Variants in PTN observed in about 807,000 individuals in gnomAD.
PTN encodes pleiotrophin.
Under a neutral mutation model 24.1 loss-of-function variants are expected in PTN, and 18 were observed. The ratio of observed to expected loss-of-function variants is 0.75; its 90% CI spans 0.52 to 1.11. The LOEUF is 1.11. Among genes scored for constraint, PTN ranks in the 50% least tolerant of loss-of-function variants. The pLI is 0.00. For missense variants in PTN, 163 were observed against 198.8 expected, an observed-to-expected ratio of 0.82 and a Z score of 1.08; for synonymous variants, 78 against 68.6, an observed-to-expected ratio of 1.14 and a Z score of -0.67.
intron 1 of PTN, among the ~76,000 whole-genome samples, chr7:137,281,601 T>C (rs943114892): frequency 2.6e-4 from 40 of 152,210 alleles, no homozygotes; most frequent in African/African-American, 9.6e-4. Flanking sequence ...AGCTGAACTC[T>C]TATTTCTGCA....
chr7:137,341,748 C>A (rs944903925), intron 1 of PTN, among the ~76,000 whole-genome samples: 2 of 151,962 alleles, frequency 1.3e-5, no homozygotes, highest in African/African-American at 4.8e-5. Flanking sequence ...CTAAAGGGAA[C>A]CAGTGAGCAG....
intron 1 of PTN, among the ~76,000 whole-genome samples, chr7:137,283,385 G>C (rs1242431505): frequency 6.6e-6 from 1 of 152,032 alleles, no homozygotes; most frequent in Non-Finnish European, 1.5e-5. Flanking sequence ...TACAACTCCA[G>C]CTTTCATTTA....
At chr7:137,326,891 C>T (rs1240275221) in intron 1 of PTN, 1 of 152,104 alleles carries the variant, frequency 6.6e-6, no homozygotes, top group Admixed American at 6.6e-5. Flanking sequence ...ATTCCTGATA[C>T]TTAACATAGA....
At chr7:137,289,908 A>G (rs1809613227) in intron 1 of PTN, among the ~76,000 whole-genome samples, 1 of 152,196 alleles carries the variant, frequency 6.6e-6, no homozygotes, top group African/African-American at 2.4e-5. Flanking sequence ...AATCATAAGA[A>G]TCGTTTTAAG....
Position 137,292,186 on chromosome 7 carries a change from A to T in PTN, c.-1-37212T>A, listed in dbSNP as rs185944796. Reference sequence around the variant, plus strand: ...GTTCCAGGAGCCCTGTGGAAACCAAAATCCATGAATGTTCAAGTCCCTGAT... The same window carrying T: ...GTTCCAGGAGCCCTGTGGAAACCAATATCCATGAATGTTCAAGTCCCTGAT... On this transcript the variant is annotated intron_variant, in intron 1 of 4. Transcript: ENST00000348225. 3.6e-3 allele frequency among the ~76,000 whole-genome samples: 551 copies of T among 152,244 alleles called. 1 individual carries two copies. Among genetic ancestry groups the T allele is most frequent in the Non-Finnish European group, 5.0e-3 (341 of 68,016 alleles).
At chr7:137,284,080 C>T (rs985478809) in intron 1 of PTN, among the ~76,000 whole-genome samples, 1 of 149,274 alleles carries the variant, frequency 6.7e-6, no homozygotes, top group Non-Finnish European at 1.5e-5. Context: ...CATTCTCCTG[C>T]CTCAGCCTCT....
intron 1 of PTN, among the ~76,000 whole-genome samples, chr7:137,284,359 A>C (rs1247679795): frequency 2.0e-5 from 3 of 152,076 alleles, no homozygotes; most frequent in Non-Finnish European, 4.4e-5. Context: ...CATGTCAAAA[A>C]GGAAGAGGTC....
At chr7:137,324,433 A>AAAAAAAATATATATAT in intron 1 of PTN, among the ~76,000 whole-genome samples, 1 of 88,760 alleles carries the variant, frequency 1.1e-5, no homozygotes, top group African/African-American at 6.9e-5. Flanking sequence ...AAAAAAAAAA[A>AAAAAAAATATATATAT]ATATATATAT....
At chr7:137,283,035 A>G (rs1809497139) in intron 1 of PTN, among the ~76,000 whole-genome samples, 1 of 152,112 alleles carries the variant, frequency 6.6e-6, no homozygotes, top group Admixed American at 6.5e-5. Context: ...GGAGCAGGAA[A>G]TATCAAAGAG....
intron 4 of PTN, among the ~76,000 whole-genome samples, chr7:137,244,163 C>A (rs553590409): frequency 6.6e-6 from 1 of 151,982 alleles, no homozygotes; most frequent in Non-Finnish European, 1.5e-5. Context: ...CCAATTTATC[C>A]CTGCCAGACT....
At chr7:137,295,709 G>A (rs541683567) in intron 1 of PTN, among the ~76,000 whole-genome samples, 3 of 151,050 alleles carry the variant, frequency 2.0e-5, no homozygotes, top group Admixed American at 6.6e-5. Context: ...TTTTTTTCAC[G>A]TGGTTTTAAA....
intron 1 of PTN, among the ~76,000 whole-genome samples, chr7:137,268,141 G>C (rs1809193673): frequency 6.6e-6 from 1 of 152,056 alleles, no homozygotes; most frequent in Admixed American, 6.6e-5. Flanking sequence ...TTCAGCCACT[G>C]CGTTGATCCT....
intron 1 of PTN, among the ~76,000 whole-genome samples, chr7:137,307,887 T>G (rs1809915476): frequency 6.6e-6 from 1 of 152,144 alleles, no homozygotes; most frequent in Non-Finnish European, 1.5e-5. Flanking sequence ...CTGCTTCTAC[T>G]CCTGCGCTTG....
intron 4 of PTN, chr7:137,236,222 T>C: frequency 1.4e-6 from 1 of 702,450 alleles, no homozygotes; most frequent in Non-Finnish European, 2.6e-6. Flanking sequence ...TCCCCACTCC[T>C]GTGTCTCCAT....
chr7:137,282,180 T>G (rs1207863439), intron 1 of PTN, among the ~76,000 whole-genome samples: 1 of 152,234 alleles, frequency 6.6e-6, no homozygotes, highest in Non-Finnish European at 1.5e-5. Flanking sequence ...GTATTTAATT[T>G]TCTGCCTGTC....
intron 1 of PTN, among the ~76,000 whole-genome samples, chr7:137,316,411 A>C (rs1810073361): frequency 6.6e-6 from 1 of 152,132 alleles, no homozygotes; most frequent in Non-Finnish European, 1.5e-5. Context: ...AGGGAACATA[A>C]GTCTTACAAG....
intron 1 of PTN, among the ~76,000 whole-genome samples, chr7:137,256,324 A>G (rs1166873528): frequency 6.6e-6 from 1 of 151,354 alleles, no homozygotes; most frequent in Non-Finnish European, 1.5e-5. Flanking sequence ...CTTACCCCAC[A>G]CCCCTCAACA....
intron 1 of PTN, among the ~76,000 whole-genome samples, chr7:137,320,350 C>T (rs1416234465): frequency 6.6e-6 from 1 of 152,042 alleles, no homozygotes; most frequent in East Asian, 1.9e-4. Context: ...ATTTTAGTGT[C>T]AACTTTAAAA....
rs767259947 is a variant in PTN, at chr7:137,253,585, C to T, written c.168G>A (p.Val56=). The T allele has an allele frequency of 7.5e-6, 12 of 1,600,004 alleles. No homozygotes were observed. Among genetic ancestry groups the T allele is most frequent in the Non-Finnish European group, 9.4e-6 (11 of 1,171,842 alleles). The change falls in exon 3 of 5, where the codon GTG becomes GTA. Residue 56 remains valine (V), a synonymous_variant. Coordinates refer to ENST00000348225, the MANE Select transcript of PTN (RefSeq NM_002825.7). The stretch of plus-strand genomic sequence containing the variant: ...CCAGCCCACAGTCTCCACTGGTGGG[C>T]ACACACACACTCCACTGCCATTCTC... The part of the protein sequence containing the change: ...DCGEWQWSVC[V]PTSGDCGLGT...
Sources: allele counts gnomAD v4.1 joint callset (sites outside exome capture counted in the v4.1 genomes callset), GRCh38; gene constraint gnomAD v4.1.1; transcripts MANE v1.5; gene names NCBI Gene and HGNC (gene_info 2026-07-23, HGNC 2026-07-21).